The following HTR4 variants were observed in gnomAD, a reference collection of about 807,000 sequenced individuals.
The protein encoded by HTR4 is 5-hydroxytryptamine (serotonin) receptor 4, G protein-coupled.
A neutral mutation model predicts 36.8 loss-of-function variants in HTR4; 16 were observed. The observed-to-expected ratio is 0.43, with a 90% CI of 0.29 to 0.66. HTR4 has a LOEUF of 0.66. Among genes scored for constraint, HTR4 ranks in the 30% least tolerant of loss-of-function variants. The probability of loss-of-function intolerance (pLI) is 0.13; values close to 1 mark genes in which losing one functional copy is unlikely to be tolerated. For synonymous variants in HTR4, 189 were observed against 185.1 expected (o/e 1.02, Z -0.17); for missense variants, 438 against 490.9 (o/e 0.89, Z 1.02).
chr5:148,527,894 A>G (rs1249989110), intron 4 of HTR4, among the ~76,000 whole-genome samples: 2 of 152,258 alleles, frequency 1.3e-5, no homozygotes, highest in East Asian at 3.9e-4. Context: ...CATTACAAAC[A>G]TGAGCCACCA....
chr5:148,571,057 G>T (rs1307268155), intron 2 of HTR4, among the ~76,000 whole-genome samples: 1 of 151,944 alleles, frequency 6.6e-6, no homozygotes, highest in East Asian at 1.9e-4. Flanking sequence ...ATTACAACAT[G>T]AGGGACAATC....
At chr5:148,620,093 G>A (rs1193170696) in intron 2 of HTR4, among the ~76,000 whole-genome samples, 1 of 152,208 alleles carries the variant, frequency 6.6e-6, no homozygotes, top group Non-Finnish European at 1.5e-5. Flanking sequence ...CTTGAGGGCT[G>A]GATGTTCACC....
chr5:148,462,356 C>CA (rs1357218065), intron 5 of HTR4, among the ~76,000 whole-genome samples: 1 of 151,944 alleles, frequency 6.6e-6, no homozygotes, highest in Non-Finnish European at 1.5e-5. Flanking sequence ...ACACCATGGG[C>CA]ATTAAAGGGA....
intron 6 of HTR4, among the ~76,000 whole-genome samples, 193 bp from the exon 7 acceptor site, chr5:148,483,486 C>T (rs1344662604): frequency 6.6e-6 from 1 of 152,140 alleles, no homozygotes; most frequent in Non-Finnish European, 1.5e-5. Flanking sequence ...TAGAAATAGC[C>T]CATTAATGTT....
At chr5:148,629,719 T>C (rs766620842) in intron 2 of HTR4, 1 of 152,200 alleles carries the variant, frequency 6.6e-6, no homozygotes, top group Non-Finnish European at 1.5e-5. Flanking sequence ...CTTATATTAA[T>C]GCCGTCACAT....
chr5:148,578,428 A>G (rs1761008842), intron 2 of HTR4, among the ~76,000 whole-genome samples: 1 of 152,106 alleles, frequency 6.6e-6, no homozygotes, highest in Non-Finnish European at 1.5e-5. Flanking sequence ...TTTTCCACTC[A>G]ATATAAATAG....
At chr5:148,597,526 C>T (rs1473646652) in intron 2 of HTR4, among the ~76,000 whole-genome samples, 1 of 152,182 alleles carries the variant, frequency 6.6e-6, no homozygotes, top group Non-Finnish European at 1.5e-5. Context: ...CCTCTTACCA[C>T]TGTGCCCTTT....
chr5:148,530,988 T>C (rs1043643343), intron 4 of HTR4, among the ~76,000 whole-genome samples: 29 of 152,210 alleles, frequency 1.9e-4, no homozygotes, highest in Middle Eastern at 3.2e-3. Flanking sequence ...TTTCTTCCAT[T>C]TGGAATGGCC....
At chr5:148,641,255 C>T (rs1753720313) in intron 1 of HTR4, among the ~76,000 whole-genome samples, 1 of 152,176 alleles carries the variant, frequency 6.6e-6, no homozygotes, top group Non-Finnish European at 1.5e-5. Flanking sequence ...TGCTCAGGTA[C>T]AAGTTGTGTC....
intron 2 of HTR4, chr5:148,629,495 A>G (rs1753244334): frequency 6.6e-6 from 1 of 152,210 alleles, no homozygotes; most frequent in Non-Finnish European, 1.5e-5. Flanking sequence ...TTTGAGGCCT[A>G]CAGACTGCTC....
chr5:148,511,199 T>C (rs1388897467), intron 5 of HTR4, among the ~76,000 whole-genome samples: 1 of 152,194 alleles, frequency 6.6e-6, no homozygotes, highest in Non-Finnish European at 1.5e-5. Flanking sequence ...CCAAAATACG[T>C]ATAAAGTACA....
intron 2 of HTR4, among the ~76,000 whole-genome samples, chr5:148,551,945 C>A (rs968799385): frequency 6.6e-6 from 1 of 152,194 alleles, no homozygotes; most frequent in Non-Finnish European, 1.5e-5. Context: ...TCAGAGCGTG[C>A]TAGTGGCTGG....
Position 148,465,853 on chromosome 5 carries a change from G to C in HTR4, c.1077-14581C>G, listed in dbSNP as rs201056727. 4.3e-6 allele frequency: 7 copies of C among 1,610,790 alleles called. No homozygotes were observed. In the Middle Eastern group the frequency reaches 5.0e-4, roughly 114 times the overall value. Reference sequence around the variant, plus strand: ...CAACAGACAGTGACAGACTTACAGAGCACTTTCAGAGTTAGACAGGAACTG... The same window carrying C: ...CAACAGACAGTGACAGACTTACAGACCACTTTCAGAGTTAGACAGGAACTG... On this transcript the variant is annotated intron_variant, in intron 5 of 5. Coordinates refer to the HTR4 transcript ENST00000521530.
At chr5:148,599,445 A>C (rs1581527552) in intron 2 of HTR4, among the ~76,000 whole-genome samples, 1 of 152,320 alleles carries the variant, frequency 6.6e-6, no homozygotes, top group Non-Finnish European at 1.5e-5. Context: ...ACTTTTCAGC[A>C]GTAAGTATGG....
intron 2 of HTR4, among the ~76,000 whole-genome samples, chr5:148,627,370 A>T (rs1753153996): frequency 6.6e-6 from 1 of 152,174 alleles, no homozygotes; most frequent in South Asian, 2.1e-4. Context: ...AAATGACTCT[A>T]ATGTATCCAT....
downstream of HTR4, chr5:148,476,752 GGA>G (rs1755711276): frequency 3.7e-6 from 6 of 1,613,228 alleles, no homozygotes; most frequent in Non-Finnish European, 5.1e-6. Flanking sequence ...AAATCTGGTA[GGA>G]GAGATCAAAA....
intron 2 of HTR4, among the ~76,000 whole-genome samples, chr5:148,630,757 CTA>C (rs1164138675): frequency 6.6e-6 from 1 of 152,012 alleles, no homozygotes; most frequent in African/African-American, 2.4e-5. Context: ...GTGCAAAATA[CTA>C]TGTTAAGAAT....
At chr5:148,478,560 T>C (rs935349145), downstream of HTR4, among the ~76,000 whole-genome samples, 1 of 152,120 alleles carries the variant, frequency 6.6e-6, no homozygotes, top group African/African-American at 2.4e-5. Flanking sequence ...TCAGAAAAGC[T>C]AAGGACAGGA....
intron 1 of HTR4, among the ~76,000 whole-genome samples, chr5:148,639,730 G>A (rs564153185): frequency 1.3e-5 from 2 of 150,598 alleles, no homozygotes; most frequent in African/African-American, 2.4e-5. Context: ...TGATCACTGT[G>A]ACATCTTCAG....
Sources: gnomAD v4.1 joint callset for allele counts (sites outside exome capture counted in the v4.1 genomes callset) on GRCh38, gnomAD v4.1.1 for gene constraint, MANE v1.5 for transcripts, NCBI Gene and HGNC (gene_info 2026-07-23, HGNC 2026-07-21) for gene names.